The following SOX30 variants were observed in gnomAD, a reference collection of about 807,000 sequenced individuals.
SOX30 encodes the protein SRY-box transcription factor 30.
SOX30 carries 17 observed loss-of-function variants against 58.6 expected under a neutral mutation model. The observed-to-expected ratio is 0.29, with a 90% CI of 0.20 to 0.44. The LOEUF is 0.44. SOX30 is among the 20% of genes least tolerant of loss of function. SOX30 has a pLI of 1.00. For synonymous variants in SOX30, 421 were observed against 400.2 expected (o/e 1.05, Z -0.62); for missense variants, 951 against 965.8 (o/e 0.98, Z 0.20).
intron 4 of SOX30, 110 bp downstream of exon 4, chr5:157,638,120 G>A (rs555254134): frequency 2.6e-5 from 25 of 945,984 alleles, no homozygotes; most frequent in Non-Finnish European, 3.7e-5. Flanking sequence ...CAGCAGAATT[G>A]AAGAAGTCTG....
chr5:157,633,268 A>G (rs945972961), intron 4 of SOX30, among the ~76,000 whole-genome samples: 2 of 152,064 alleles, frequency 1.3e-5, no homozygotes, highest in Admixed American at 1.3e-4. Context: ...TTTGTTGCCA[A>G]GACTGGCCTC....
At chr5:157,628,365 TCACACACA>T (rs70984476) in intron 4 of SOX30, among the ~76,000 whole-genome samples, 13,693 of 139,606 alleles carry the variant, frequency 0.098, 666 homozygotes, top group Middle Eastern at 0.16. Flanking sequence ...TTTCTGGCCT[TCACACACA>T]CACACACACA....
At chr5:157,652,830 A>T (rs1759396754), upstream of SOX30, among the ~76,000 whole-genome samples, 1 of 152,132 alleles carries the variant, frequency 6.6e-6, no homozygotes, top group South Asian at 2.1e-4. Context: ...AACCCTGTAA[A>T]TAGTCTCCCT....
chr5:157,658,606 C>A (rs988665876), intron 2 of SOX30, among the ~76,000 whole-genome samples: 1 of 152,152 alleles, frequency 6.6e-6, no homozygotes, highest in African/African-American at 2.4e-5. Context: ...TCCTCTCTAC[C>A]CTGAATACAA....
intron 4 of SOX30, among the ~76,000 whole-genome samples, chr5:157,635,627 A>C (rs1758908961): frequency 6.6e-6 from 1 of 151,004 alleles, no homozygotes; most frequent in Non-Finnish European, 1.5e-5. Flanking sequence ...CTGTCTCAAA[A>C]AAAAAACAAA....
intron 2 of SOX30, among the ~76,000 whole-genome samples, chr5:157,648,137 C>A (rs1479609058): frequency 1.3e-5 from 2 of 152,160 alleles, no homozygotes; most frequent in East Asian, 3.8e-4. Context: ...AGCTTAATCC[C>A]AATGTTCCCA....
intron 2 of SOX30, among the ~76,000 whole-genome samples, chr5:157,659,083 T>A (rs1228216933): frequency 6.6e-6 from 1 of 152,228 alleles, no homozygotes; most frequent in Non-Finnish European, 1.5e-5. Context: ...GATGCATGAA[T>A]AATTCACCCC....
At chr5:157,628,825 G>A (rs940818260) in intron 4 of SOX30, among the ~76,000 whole-genome samples, 9 of 152,128 alleles carry the variant, frequency 5.9e-5, no homozygotes, top group Non-Finnish European at 1.3e-4. Context: ...TATTTTAGTA[G>A]AGATGGGGTT....
intron 1 of SOX30, among the ~76,000 whole-genome samples, chr5:157,669,486 TTTTA>T (rs35157596): frequency 0.075 from 10,258 of 136,654 alleles, 438 homozygotes; most frequent in Middle Eastern, 0.14. Flanking sequence ...CGCCCATCAA[TTTTA>T]TTTATTTATT....
At chr5:157,640,110 C>T (rs892082956) in intron 3 of SOX30, among the ~76,000 whole-genome samples, 4 of 152,300 alleles carry the variant, frequency 2.6e-5, no homozygotes, top group East Asian at 3.9e-4. Flanking sequence ...CCCTTGTCCA[C>T]GTTCCCTCCA....
chr5:157,626,452 C>T lies in SOX30; in HGVS notation c.2150G>A (p.Gly717Glu). The change falls in exon 5 of 5, where the codon GGA becomes GAA. Residue 717 changes from glycine to glutamate, a missense_variant. Gly to Glu is a moderately conservative substitution (Grantham distance 98). This residue lies in a region of SOX30 where 381 missense variants were observed against 390.0 expected (regional missense o/e 0.98). Coordinates refer to ENST00000265007, the MANE Select transcript of SOX30 (RefSeq NM_178424.2). The part of the protein sequence containing the change: ...NLNPVPQLDI[G>E]TLENVFTAPT... ...GGCTGTGAAGACATTCTCCAAGGTTCCAATGTCCAGCTGAGGCACAGGGTT... is the reference window on the plus strand; with the variant it reads ...GGCTGTGAAGACATTCTCCAAGGTTTCAATGTCCAGCTGAGGCACAGGGTT... 1 of 1,614,138 alleles carries T rather than the reference C, an allele frequency of 6.2e-7. No homozygotes were observed. Among genetic ancestry groups the T allele is most frequent in the East Asian group, 2.2e-5 (1 of 44,876 alleles).
At position 157,642,427 on chromosome 5, in the gene SOX30, T is replaced by C. The variant is rs182643813; in HGVS notation, c.1388-3705A>G. ...ATTATGCGGTAGTAATCACAACATA[T>C]TTAAATTTATGATCCTGGCTAAAGA... On this transcript the variant is annotated intron_variant, in intron 3 of 4. Transcript: ENST00000265007. Among the ~76,000 whole-genome samples, 538 of 151,972 alleles carry C rather than the reference T, an allele frequency of 3.5e-3. 1 individual carries two copies. Among genetic ancestry groups the C allele is most frequent in the African/African-American group, 0.012 (493 of 41,470 alleles).
chr5:157,630,998 TTTTTATATATATACTATATA>T (rs1196054179), intron 4 of SOX30, among the ~76,000 whole-genome samples: 2 of 126,374 alleles, frequency 1.6e-5, no homozygotes, highest in East Asian at 2.0e-4. Context: ...CTATATATAT[TTTTTATATATATACTATATA>T]TTTTATATAT....
intron 4 of SOX30, among the ~76,000 whole-genome samples, chr5:157,628,365 T>TCACACACACACACACACACACACACACA (rs70984476): frequency 2.1e-5 from 3 of 139,602 alleles, no homozygotes; most frequent in African/African-American, 7.9e-5. Flanking sequence ...TTTCTGGCCT[T>TCACACACACACACACACACACACACACA]CACACACACA....
At chr5:157,653,756 A>G (rs1447849537), upstream of SOX30, among the ~76,000 whole-genome samples, 1 of 152,192 alleles carries the variant, frequency 6.6e-6, no homozygotes, top group Non-Finnish European at 1.5e-5. Context: ...ACTCCAATTT[A>G]TTGTCCAATC....
At chr5:157,671,218 A>T (rs1759775303) in intron 1 of SOX30, 1 of 199,080 alleles carries the variant, frequency 5.0e-6, no homozygotes. Context: ...TTCAGACCTC[A>T]GCTCCATGCC....
At chr5:157,635,760 T>C (rs773061858) in intron 4 of SOX30, among the ~76,000 whole-genome samples, 3 of 152,260 alleles carry the variant, frequency 2.0e-5, no homozygotes, top group Non-Finnish European at 2.9e-5. Flanking sequence ...GATAGACTTC[T>C]ATGATTTAAT....
Position 157,652,362 on chromosome 5 carries a change from T to G in SOX30, c.-284A>C, listed in dbSNP as rs1177304107. On this transcript the variant is annotated 5_prime_UTR_variant, in exon 1 of 5. Transcript: ENST00000265007. ...GAGCCGCCGCACTTGTTGCACATTT[T>G]CGTTCTGACTCTCTTGTGGAGTTCT... 2.0e-4 allele frequency: 236 copies of G among 1,162,508 alleles called. No homozygotes were observed. Among genetic ancestry groups the G allele is most frequent in the Non-Finnish European group, 2.5e-4 (234 of 945,026 alleles). 72.0% of individuals were successfully genotyped at this position (1,162,508 alleles called of 1,614,324 possible).
In SOX30 at chr5:157,651,680, C is replaced by T. The variant is rs745455006; in HGVS notation, c.399G>A (p.Leu133=). The part of the protein sequence containing the change: ...PELHPVQPLA[L]HVKAKKQKLG... ...GCTTCTGCTTCTTGGCCTTGACATGCAGCGCCAGGGGCTGCACCGGGTGCA... is the reference window on the plus strand; with the variant it reads ...GCTTCTGCTTCTTGGCCTTGACATGTAGCGCCAGGGGCTGCACCGGGTGCA... The change falls in exon 1 of 5, where the codon CTG becomes CTA. Residue 133 remains leucine (L), a synonymous_variant. Coordinates refer to ENST00000265007, the MANE Select transcript of SOX30 (RefSeq NM_178424.2). 7 of 1,605,896 alleles carry T rather than the reference C, an allele frequency of 4.4e-6. No homozygotes were observed. Among genetic ancestry groups the T allele is most frequent in the Admixed American group, 1.7e-5 (1 of 59,138 alleles).
Sources: allele counts gnomAD v4.1 joint callset (sites outside exome capture counted in the v4.1 genomes callset), GRCh38; gene constraint gnomAD v4.1.1; regional missense constraint gnomAD v4.1.1; transcripts MANE v1.5; gene names NCBI Gene and HGNC (gene_info 2026-07-23, HGNC 2026-07-21).